RBMS3: variants seen among roughly 807,000 people sequenced by gnomAD.
The protein encoded by RBMS3 is RNA-binding motif, single-stranded-interacting protein 3.
In RBMS3, 27 loss-of-function variants were observed where a neutral mutation model predicts 66.8. That is an observed-to-expected ratio of 0.40 (90% confidence interval 0.30 to 0.56). The LOEUF is 0.56. Among genes scored for constraint, RBMS3 ranks in the 20% least tolerant of loss-of-function variants. RBMS3 has a pLI of 0.40. For missense variants in RBMS3, 513 were observed against 549.5 expected (o/e 0.93, Z 0.66); for synonymous variants, 188 against 183.0 (o/e 1.03, Z -0.22).
intron 4 of RBMS3, among the ~76,000 whole-genome samples, chr3:29,590,567 T>C (rs778022454): frequency 2.6e-5 from 4 of 151,648 alleles, no homozygotes; most frequent in Non-Finnish European, 4.4e-5. Flanking sequence ...GAAGATTGAA[T>C]AAAAAATTCT....
chr3:29,651,939 G>T (rs919477411), intron 4 of RBMS3, among the ~76,000 whole-genome samples: 1 of 152,160 alleles, frequency 6.6e-6, no homozygotes, highest in Non-Finnish European at 1.5e-5. Context: ...CAGAATACAT[G>T]GTAGTTTTAA....
chr3:29,289,522 C>T (rs557518225), intron 1 of RBMS3, among the ~76,000 whole-genome samples: 1 of 151,470 alleles, frequency 6.6e-6, no homozygotes, highest in African/African-American at 2.4e-5. Context: ...TAACTATGTT[C>T]CTAATATTAT....
rs181934764 is a variant in RBMS3, at chr3:29,489,554, A to T, written c.307+1055A>T. 7.9e-3 allele frequency among the ~76,000 whole-genome samples: 1,194 copies of T among 151,596 alleles called. 8 individuals are homozygous for T. Among genetic ancestry groups the T allele is most frequent in the Non-Finnish European group, 9.4e-3 (640 of 67,916 alleles). The stretch of plus-strand genomic sequence containing the variant: ...ATTAGGATTACTATATCACCTTAAT[A>T]TATGTGAGGGTGTAACAGCGGTATC... On this transcript the variant is annotated intron_variant, in intron 3 of 14. Transcript: ENST00000383767.
chr3:29,305,790 AC>A (rs1381217210), intron 1 of RBMS3, among the ~76,000 whole-genome samples: 1 of 151,988 alleles, frequency 6.6e-6, no homozygotes, highest in Non-Finnish European at 1.5e-5. Context: ...AACTGATGAT[AC>A]TTATGCACAT....
intron 3 of RBMS3, among the ~76,000 whole-genome samples, chr3:29,570,944 G>C (rs1255269141): frequency 7.1e-6 from 1 of 141,582 alleles, no homozygotes; most frequent in African/African-American, 2.8e-5. Context: ...CCCTCCAACA[G>C]TATACAAGGG....
Position 29,744,469 on chromosome 3 carries a change from A to G in RBMS3, c.557+4592A>G, listed in dbSNP as rs577225069. On this transcript the variant is annotated intron_variant, in intron 5 of 14. Coordinates refer to ENST00000383767, the MANE Select transcript of RBMS3 (RefSeq NM_001003793.3). ...AAATTGTTTCTTCCTCTAGGAGTTT[A>G]CAGTTCCACAGGCATTATTAAAAGA... 3.3e-5 allele frequency among the ~76,000 whole-genome samples: 5 copies of G among 152,300 alleles called. 1 individual carries two copies. The highest frequency in any genetic ancestry group is 1.5e-5 in the Non-Finnish European group (1 of 68,024).
At chr3:29,872,487 A>G (rs539824562) in intron 7 of RBMS3, among the ~76,000 whole-genome samples, 1 of 152,248 alleles carries the variant, frequency 6.6e-6, no homozygotes, top group South Asian at 2.1e-4. Context: ...AGAACCCTAT[A>G]GATCTTCTAA....
chr3:29,999,747 G>A (rs1173864646), intron 14 of RBMS3, among the ~76,000 whole-genome samples: 15 of 151,824 alleles, frequency 9.9e-5, no homozygotes, highest in Non-Finnish European at 1.5e-4. Flanking sequence ...ATCACACACC[G>A]GGGACTGTTG....
chr3:29,626,459 T>G lies in RBMS3; in HGVS notation c.399+39254T>G, dbSNP rs2049064265. On this transcript the variant is annotated intron_variant, in intron 4 of 14. Coordinates refer to ENST00000383767, the MANE Select transcript of RBMS3 (RefSeq NM_001003793.3). ...CCATTCTAACCTGTGGAAGATACAA[T>G]TTAAGGATAAATATTGCAGTGTGAG... Among the ~76,000 whole-genome samples, 2 of 152,180 alleles carry G rather than the reference T, an allele frequency of 1.3e-5. 1 individual carries two copies. The highest frequency in any genetic ancestry group is 4.1e-4 in the South Asian group (2 of 4,836).
intron 4 of RBMS3, among the ~76,000 whole-genome samples, chr3:29,587,528 G>T (rs1310108105): frequency 6.6e-6 from 1 of 151,564 alleles, no homozygotes; most frequent in Non-Finnish European, 1.5e-5. Flanking sequence ...CACTCGTGAA[G>T]TGCTCTGTTC....
rs138992975 is a variant in RBMS3, at chr3:29,460,536, G to A, written c.248+25621G>A. Among the ~76,000 whole-genome samples the A allele has an allele frequency of 4.9e-3, 741 of 152,264 alleles. 6 individuals are homozygous for A. Among genetic ancestry groups the A allele is most frequent in the African/African-American group, 0.017 (712 of 41,556 alleles). The stretch of plus-strand genomic sequence containing the variant: ...AATTGCATTTTTAATAAGCCCCCAA[G>A]TTCTGATGATGATGATCTATAGAGT... On this transcript the variant is annotated intron_variant, in intron 2 of 14. Transcript: ENST00000383767.
chr3:29,954,844 C>T (rs1306553026), intron 12 of RBMS3, among the ~76,000 whole-genome samples: 2 of 151,978 alleles, frequency 1.3e-5, no homozygotes, highest in Admixed American at 6.6e-5. Flanking sequence ...ATCCTTCACA[C>T]ACATTCTTGA....
At chr3:29,507,328 A>G (rs2044221035) in intron 3 of RBMS3, among the ~76,000 whole-genome samples, 1 of 152,012 alleles carries the variant, frequency 6.6e-6, no homozygotes, top group Non-Finnish European at 1.5e-5. Flanking sequence ...ATACACATGA[A>G]TGCAACCTTT....
intron 1 of RBMS3, among the ~76,000 whole-genome samples, chr3:29,343,620 G>A (rs183096740): frequency 6.6e-6 from 1 of 152,258 alleles, no homozygotes; most frequent in African/African-American, 2.4e-5. Context: ...AAGACAACAT[G>A]CCTCTCAATT....
intron 2 of RBMS3, among the ~76,000 whole-genome samples, chr3:29,474,529 A>C (rs1262835995): frequency 2.0e-5 from 3 of 152,226 alleles, no homozygotes; most frequent in Admixed American, 6.5e-5. Flanking sequence ...ACATAGGATT[A>C]ACATCCTCAT....
intron 4 of RBMS3, among the ~76,000 whole-genome samples, chr3:29,672,435 A>T (rs2051045315): frequency 6.6e-6 from 1 of 152,202 alleles, no homozygotes; most frequent in Non-Finnish European, 1.5e-5. Flanking sequence ...CACACATAAC[A>T]ATATTAACCT....
At chr3:29,646,494 C>G (rs2049925308) in intron 4 of RBMS3, among the ~76,000 whole-genome samples, 1 of 151,758 alleles carries the variant, frequency 6.6e-6, no homozygotes, top group Non-Finnish European at 1.5e-5. Flanking sequence ...TTAAAAGGAA[C>G]AGGGAAAATG....
intron 3 of RBMS3, among the ~76,000 whole-genome samples, chr3:29,529,427 T>A (rs539324686): frequency 4.6e-5 from 7 of 152,192 alleles, no homozygotes; most frequent in Non-Finnish European, 1.0e-4. Flanking sequence ...ACAATTTGCA[T>A]ACACGTTTTA....
intron 4 of RBMS3, among the ~76,000 whole-genome samples, chr3:29,611,434 C>T (rs1424097004): frequency 6.6e-6 from 1 of 151,976 alleles, no homozygotes. Flanking sequence ...GTATTCTGCT[C>T]ACAGTATATG....
Sources: gnomAD v4.1 joint callset for allele counts (sites outside exome capture counted in the v4.1 genomes callset) on GRCh38, gnomAD v4.1.1 for gene constraint, MANE v1.5 for transcripts, NCBI Gene and HGNC (gene_info 2026-07-23, HGNC 2026-07-21) for gene names.